The following ROBO2 variants were observed in gnomAD, a reference collection of about 807,000 sequenced individuals.
The protein encoded by ROBO2 is roundabout homolog 2.
ROBO2 carries 53 observed loss-of-function variants against 160.8 expected under a neutral mutation model. The ratio of observed to expected loss-of-function variants is 0.33; its 90% CI spans 0.26 to 0.41. The LOEUF is 0.41. Ranked by LOEUF, ROBO2 falls within the 10% of genes least tolerant of loss-of-function variation. The pLI is 1.00. For synonymous variants in ROBO2, 664 were observed against 611.7 expected, an observed-to-expected ratio of 1.09 and a Z score of -1.26; for missense variants, 1,577 against 1,722.4, an observed-to-expected ratio of 0.92 and a Z score of 1.49.
intron 2 of ROBO2, among the ~76,000 whole-genome samples, chr3:76,682,609 T>C (rs1041919315): frequency 6.6e-6 from 1 of 152,104 alleles, no homozygotes; most frequent in Non-Finnish European, 1.5e-5. Context: ...GATTTCACCA[T>C]CTTGGCCAGG....
chr3:77,612,071 T>C (rs745604297), intron 21 of ROBO2, among the ~76,000 whole-genome samples: 16 of 152,226 alleles, frequency 1.1e-4, no homozygotes, highest in Non-Finnish European at 1.8e-4. Context: ...TTTGTTGTCA[T>C]CTTTATCATT....
At chr3:76,651,086 G>A (rs2091234855) in intron 2 of ROBO2, among the ~76,000 whole-genome samples, 1 of 152,146 alleles carries the variant, frequency 6.6e-6, no homozygotes, top group African/African-American at 2.4e-5. Flanking sequence ...CAAGGAAGAG[G>A]AGGGGTTGAA....
chr3:76,343,673 G>A (rs2108204723), intron 2 of ROBO2, among the ~76,000 whole-genome samples: 1 of 152,024 alleles, frequency 6.6e-6, no homozygotes, highest in Non-Finnish European at 1.5e-5. Flanking sequence ...ACATAAATCA[G>A]GAAATGGTAT....
At chr3:76,586,693 G>C (rs531318222) in intron 2 of ROBO2, among the ~76,000 whole-genome samples, 4 of 152,294 alleles carry the variant, frequency 2.6e-5, no homozygotes, top group African/African-American at 9.6e-5. Context: ...GCACAACATA[G>C]TATTAGATCA....
intron 2 of ROBO2, among the ~76,000 whole-genome samples, chr3:76,620,870 G>A (rs916447681): frequency 3.9e-5 from 6 of 152,062 alleles, no homozygotes; most frequent in Admixed American, 2.0e-4. Flanking sequence ...TAGTATGCAC[G>A]TGCTACCGAG....
intron 2 of ROBO2, among the ~76,000 whole-genome samples, chr3:77,434,435 C>T (rs1333663675): frequency 6.6e-6 from 1 of 152,136 alleles, no homozygotes; most frequent in African/African-American, 2.4e-5. Context: ...CTGTATAGTT[C>T]TGTTTAGGAC....
intron 3 of ROBO2, among the ~76,000 whole-genome samples, chr3:77,480,788 T>G (rs2084594959): frequency 6.6e-6 from 1 of 152,092 alleles, no homozygotes; most frequent in African/African-American, 2.4e-5. Context: ...CAATAGCAAT[T>G]TATTCAAATG....
chr3:76,311,120 C>G (rs936371124), intron 2 of ROBO2: 1 of 152,084 alleles, frequency 6.6e-6, no homozygotes, highest in Non-Finnish European at 1.5e-5. Flanking sequence ...GAGAAGGAGC[C>G]GGATCCGTGA....
chr3:76,384,439 A>T (rs1275816971), intron 2 of ROBO2, among the ~76,000 whole-genome samples: 1 of 152,206 alleles, frequency 6.6e-6, no homozygotes, highest in Admixed American at 6.5e-5. Flanking sequence ...GCAGAGAAAT[A>T]AACAAGGTTA....
At chr3:77,004,485 A>T (rs1056684134) in intron 2 of ROBO2, among the ~76,000 whole-genome samples, 2 of 152,194 alleles carry the variant, frequency 1.3e-5, no homozygotes, top group Non-Finnish European at 2.9e-5. Flanking sequence ...GTGAAAAGAG[A>T]AACCCTGTTA....
intron 2 of ROBO2, among the ~76,000 whole-genome samples, chr3:76,805,633 T>C (rs2064632631): frequency 6.6e-6 from 1 of 150,606 alleles, no homozygotes; most frequent in Non-Finnish European, 1.5e-5. Flanking sequence ...TAAAGCTCTA[T>C]TTTTTTTGTT....
chr3:76,867,865 C>T (rs2071542426), intron 2 of ROBO2, among the ~76,000 whole-genome samples: 1 of 152,104 alleles, frequency 6.6e-6, no homozygotes, highest in Non-Finnish European at 1.5e-5. Flanking sequence ...GATGTGGCAG[C>T]AGGGTTACCA....
chr3:76,587,487 C>T lies in ROBO2; in HGVS notation c.110-510527C>T, dbSNP rs142683342. Among the ~76,000 whole-genome samples the T allele has an allele frequency of 4.1e-3, 627 of 152,200 alleles. 3 individuals are homozygous for T. Among genetic ancestry groups the T allele is most frequent in the African/African-American group, 0.015 (613 of 41,518 alleles). ...AAGCAAACGCACCTTCCTCACATGC[C>T]AGCAGGACGGAGAAGAATGAGTGCC... On this transcript the variant is annotated intron_variant, in intron 2 of 26. Transcript: ENST00000487694.
At chr3:77,626,838 A>C (rs1305187770) in intron 23 of ROBO2, among the ~76,000 whole-genome samples, 1 of 152,126 alleles carries the variant, frequency 6.6e-6, no homozygotes, top group Non-Finnish European at 1.5e-5. Flanking sequence ...AGCTGAAAGG[A>C]AATCATGGCT....
intron 2 of ROBO2, among the ~76,000 whole-genome samples, chr3:76,325,971 G>C (rs1017083283): frequency 2.6e-5 from 4 of 152,130 alleles, no homozygotes; most frequent in African/African-American, 7.2e-5. Context: ...TTTCTCACTT[G>C]AGAAATGAAC....
At chr3:76,217,715 C>T (rs958756272) in intron 2 of ROBO2, among the ~76,000 whole-genome samples, 29 of 152,210 alleles carry the variant, frequency 1.9e-4, no homozygotes, top group Middle Eastern at 3.4e-3. Context: ...GGATATACAG[C>T]GGAATTCTAC....
At chr3:76,014,695 A>G (rs1240199567) in intron 2 of ROBO2, among the ~76,000 whole-genome samples, 1 of 152,196 alleles carries the variant, frequency 6.6e-6, no homozygotes, top group Non-Finnish European at 1.5e-5. Context: ...TGGGAGGCCC[A>G]GGTGGGATGA....
Position 76,182,094 on chromosome 3 carries a change from A to G in ROBO2, c.109+244492A>G, listed in dbSNP as rs138042764. Among the ~76,000 whole-genome samples the G allele has an allele frequency of 1.3e-3, 194 of 152,306 alleles. No individual in the cohort carries two copies. The Middle Eastern group carries it at 0.014, about 11-fold the overall frequency. The stretch of plus-strand genomic sequence containing the variant: ...AATGAAGAAGGGCCAGGAGCATTAG[A>G]TGGCTAGATAATTGAGTTGTAGCAG... On this transcript the variant is annotated intron_variant, in intron 2 of 26. Transcript: ENST00000487694.
intron 2 of ROBO2, among the ~76,000 whole-genome samples, chr3:76,092,147 A>G (rs988517020): frequency 7.9e-5 from 12 of 152,278 alleles, no homozygotes; most frequent in African/African-American, 2.9e-4. Context: ...GGATGTTGAT[A>G]GTGTGGGACG....
Sources: allele counts gnomAD v4.1 joint callset (sites outside exome capture counted in the v4.1 genomes callset), GRCh38; gene constraint gnomAD v4.1.1; transcripts MANE v1.5; gene names NCBI Gene and HGNC (gene_info 2026-07-23, HGNC 2026-07-21).